GALNTL6: variants seen among roughly 807,000 people sequenced by gnomAD.
The protein encoded by GALNTL6 is polypeptide N-acetylgalactosaminyltransferase like 6.
In GALNTL6, 46 loss-of-function variants were observed where a neutral mutation model predicts 73.7. The ratio of observed to expected loss-of-function variants is 0.62; its 90% CI spans 0.49 to 0.80. GALNTL6 has a LOEUF of 0.80. Among genes scored for constraint, GALNTL6 ranks in the 30% least tolerant of loss-of-function variants. The pLI is 0.00. For missense variants in GALNTL6, 604 were observed against 755.0 expected, an observed-to-expected ratio of 0.80 and a Z score of 2.34; for synonymous variants, 259 against 263.7, an observed-to-expected ratio of 0.98 and a Z score of 0.17.
chr4:172,693,633 C>T (rs926465113), intron 5 of GALNTL6, among the ~76,000 whole-genome samples: 1 of 152,234 alleles, frequency 6.6e-6, no homozygotes, highest in Non-Finnish European at 1.5e-5. Flanking sequence ...TATGCTCCTT[C>T]CGCACTCAAG....
intron 8 of GALNTL6, among the ~76,000 whole-genome samples, chr4:172,889,593 G>A (rs917105831): frequency 2.6e-5 from 4 of 152,068 alleles, no homozygotes; most frequent in Admixed American, 6.6e-5. Context: ...CCTTACATCC[G>A]AGGAATGAAG....
intron 5 of GALNTL6, among the ~76,000 whole-genome samples, chr4:172,359,129 C>T (rs1350674560): frequency 3.3e-5 from 5 of 152,022 alleles, no homozygotes; most frequent in East Asian, 1.9e-4. Flanking sequence ...ATGGAATCAA[C>T]GTAAATGTCC....
At chr4:172,739,729 A>G (rs1215444841) in intron 5 of GALNTL6, among the ~76,000 whole-genome samples, 2 of 152,074 alleles carry the variant, frequency 1.3e-5, no homozygotes, top group African/African-American at 4.8e-5. Context: ...AAATCTCTCA[A>G]TTCTCAGCAT....
intron 10 of GALNTL6, among the ~76,000 whole-genome samples, chr4:173,003,109 A>C (rs1752119498): frequency 6.6e-6 from 1 of 152,242 alleles, no homozygotes; most frequent in African/African-American, 2.4e-5. Flanking sequence ...AACATTTAAA[A>C]TGGTTAAAAT....
chr4:172,065,829 A>G (rs1250037889), intron 2 of GALNTL6, among the ~76,000 whole-genome samples: 1 of 152,204 alleles, frequency 6.6e-6, no homozygotes, highest in African/African-American at 2.4e-5. Flanking sequence ...AGAAGAGAGG[A>G]TTAGTGTCCA....
At chr4:172,840,096 A>C (rs563667448) in intron 7 of GALNTL6, among the ~76,000 whole-genome samples, 1 of 152,220 alleles carries the variant, frequency 6.6e-6, no homozygotes, top group African/African-American at 2.4e-5. Context: ...TGCACAAAAA[A>C]AGGAACCCTG....
chr4:172,897,160 G>C (rs1456629567), intron 8 of GALNTL6, among the ~76,000 whole-genome samples: 1 of 152,226 alleles, frequency 6.6e-6, no homozygotes, highest in Non-Finnish European at 1.5e-5. Flanking sequence ...CCCTCGGGGA[G>C]CTGCTATGGG....
At chr4:172,476,608 C>T (rs559840335) in intron 5 of GALNTL6, among the ~76,000 whole-genome samples, 9 of 152,246 alleles carry the variant, frequency 5.9e-5, no homozygotes, top group African/African-American at 2.2e-4. Flanking sequence ...CATCGTATGA[C>T]CAGGTAGCAC....
At chr4:172,825,219 C>G (rs1389593345) in intron 7 of GALNTL6, among the ~76,000 whole-genome samples, 1 of 150,834 alleles carries the variant, frequency 6.6e-6, no homozygotes, top group Middle Eastern at 3.4e-3. Flanking sequence ...TTTTTGTGTC[C>G]TGGAGTGCCA....
chr4:172,385,612 A>T (rs1483769948), intron 5 of GALNTL6, among the ~76,000 whole-genome samples: 1 of 151,938 alleles, frequency 6.6e-6, no homozygotes, highest in East Asian at 1.9e-4. Flanking sequence ...CTGTTTGTAT[A>T]GTATATCTCA....
At chr4:172,005,448 C>G (rs1740813951) in intron 2 of GALNTL6, among the ~76,000 whole-genome samples, 1 of 152,130 alleles carries the variant, frequency 6.6e-6, no homozygotes, top group Non-Finnish European at 1.5e-5. Context: ...CAAAGAAACA[C>G]TTTTTACAAA....
intron 2 of GALNTL6, among the ~76,000 whole-genome samples, chr4:171,866,476 A>G (rs185117228): frequency 3.3e-5 from 5 of 152,276 alleles, no homozygotes; most frequent in African/African-American, 1.2e-4. Context: ...ATCTCATAGG[A>G]AAGTTTCTTT....
chr4:172,743,545 G>T (rs1243506646), intron 5 of GALNTL6, among the ~76,000 whole-genome samples: 1 of 151,860 alleles, frequency 6.6e-6, no homozygotes, highest in Non-Finnish European at 1.5e-5. Flanking sequence ...TGAATTCTGG[G>T]GACTTTATCT....
intron 5 of GALNTL6, among the ~76,000 whole-genome samples, chr4:172,486,863 C>G (rs1733687557): frequency 6.6e-6 from 1 of 152,182 alleles, no homozygotes; most frequent in Non-Finnish European, 1.5e-5. Flanking sequence ...GAAGTAAATT[C>G]AAGATGCTCA....
intron 5 of GALNTL6, among the ~76,000 whole-genome samples, chr4:172,540,993 C>T (rs1348924411): frequency 1.3e-5 from 2 of 152,126 alleles, no homozygotes; most frequent in Non-Finnish European, 2.9e-5. Context: ...TGGAGATTCT[C>T]AACAGATGCA....
intron 5 of GALNTL6, among the ~76,000 whole-genome samples, chr4:172,390,751 T>C (rs1743637314): frequency 6.6e-6 from 1 of 152,208 alleles, no homozygotes; most frequent in African/African-American, 2.4e-5. Flanking sequence ...TAAAATGCGA[T>C]ATTTTGTTCA....
chr4:172,796,974 T>C (rs1740306508), intron 5 of GALNTL6, among the ~76,000 whole-genome samples: 1 of 152,232 alleles, frequency 6.6e-6, no homozygotes, highest in African/African-American at 2.4e-5. Flanking sequence ...GCTGTTCTTG[T>C]TAGCAGTTAT....
chr4:172,176,238 G>C lies in GALNTL6; in HGVS notation c.139-53418G>C, dbSNP rs563975561. ...ACCTGTAGTCCCAGCTACTCAAAAG[G>C]CTGAGGCAGGAGAATGGCGTGAACC... On this transcript the variant is annotated intron_variant, in intron 2 of 12. Transcript: ENST00000506823. 5.0e-3 allele frequency among the ~76,000 whole-genome samples: 736 copies of C among 147,862 alleles called. 13 individuals carry two copies. Among genetic ancestry groups the C allele is most frequent in the African/African-American group, 0.016 (664 of 40,544 alleles).
intron 3 of GALNTL6, among the ~76,000 whole-genome samples, chr4:172,303,387 A>G (rs974668857): frequency 1.3e-5 from 2 of 152,048 alleles, no homozygotes; most frequent in African/African-American, 4.8e-5. Context: ...ATCCCCAACA[A>G]TTTACTACCT....
Sources: allele counts gnomAD v4.1 joint callset (sites outside exome capture counted in the v4.1 genomes callset), GRCh38; gene constraint gnomAD v4.1.1; transcripts MANE v1.5; gene names NCBI Gene and HGNC (gene_info 2026-07-23, HGNC 2026-07-21).